The following ZNF420 variants were observed in gnomAD, a reference collection of about 807,000 sequenced individuals.
ZNF420 encodes ATM and p53-associated KZNF protein.
Under a neutral mutation model 44.7 loss-of-function variants are expected in ZNF420, and 31 were observed. That is an observed-to-expected ratio of 0.69 (90% CI 0.52 to 0.94). The LOEUF is 0.94. Among genes scored for constraint, ZNF420 ranks in the 40% least tolerant of loss-of-function variants. The probability of loss-of-function intolerance (pLI) is 0.00; values close to 1 mark genes in which losing one functional copy is unlikely to be tolerated. For synonymous variants in ZNF420, 245 were observed against 267.4 expected, an observed-to-expected ratio of 0.92 and a Z score of 0.82; for missense variants, 681 against 827.9, an observed-to-expected ratio of 0.82 and a Z score of 2.18.
chr19:37,017,612 A>G (rs948399005), intron 1 of ZNF420, among the ~76,000 whole-genome samples: 1 of 152,234 alleles, frequency 6.6e-6, no homozygotes, highest in African/African-American at 2.4e-5. Flanking sequence ...AATTTCAAAA[A>G]CCATTCATGA....
chr19:37,035,966 G>A (rs1410673092), intron 1 of ZNF420, among the ~76,000 whole-genome samples: 5 of 152,044 alleles, frequency 3.3e-5, no homozygotes, highest in African/African-American at 1.2e-4. Context: ...TTTTCTCTTT[G>A]CCATTTAATT....
At chr19:37,060,299 C>T (rs567209832) in intron 1 of ZNF420, among the ~76,000 whole-genome samples, 218 of 152,226 alleles carry the variant, frequency 1.4e-3, no homozygotes, top group Non-Finnish European at 2.1e-3. Context: ...AGCCACACCA[C>T]GATACAATCT....
At chr19:37,104,996 AGTTT>A (rs2146623956) in intron 4 of ZNF420, among the ~76,000 whole-genome samples, 1 of 152,138 alleles carries the variant, frequency 6.6e-6, no homozygotes, top group African/African-American at 2.4e-5. Context: ...GAAGCTCTTT[AGTTT>A]AATTAGATCC....
At chr19:37,070,321 C>T (rs1315987834) in intron 1 of ZNF420, among the ~76,000 whole-genome samples, 1 of 151,868 alleles carries the variant, frequency 6.6e-6, no homozygotes, top group Non-Finnish European at 1.5e-5. Flanking sequence ...AAACTATAAA[C>T]CTTTAAGAAG....
chr19:37,114,944 T>G (rs1970579048), intron 4 of ZNF420: 1 of 153,896 alleles, frequency 6.5e-6, no homozygotes, highest in South Asian at 2.0e-4. Flanking sequence ...ATTGTTCTAT[T>G]GTTTGAAATA....
rs912608974 is a variant in ZNF420 at position 37,051,555 on chromosome 19, C to T, written c.-124-28790C>T. 2.8e-4 allele frequency among the ~76,000 whole-genome samples: 42 copies of T among 152,088 alleles called. 1 individual carries two copies. Among genetic ancestry groups the T allele is most frequent in the Non-Finnish European group, 1.0e-4 (7 of 68,020 alleles). On this transcript the variant is annotated intron_variant, in intron 1 of 4. Coordinates refer to the ZNF420 transcript ENST00000587029. ...ATGGTAGTTTGTATTTCTGTGGGAT[C>T]GGTGGTGACATCCCCTTTATCATTT...
At chr19:37,050,377 C>G (rs1434453846) in intron 1 of ZNF420, among the ~76,000 whole-genome samples, 1 of 152,062 alleles carries the variant, frequency 6.6e-6, no homozygotes, top group Non-Finnish European at 1.5e-5. Context: ...TTGTTTGTAT[C>G]CTCTTTTATT....
intron 4 of ZNF420, among the ~76,000 whole-genome samples, chr19:37,117,303 G>A (rs961831062): frequency 1.5e-4 from 22 of 151,452 alleles, no homozygotes; most frequent in African/African-American, 5.1e-4. Context: ...CACGAAAATC[G>A]GCTGTTCTAC....
At chr19:37,032,009 C>CA (rs1263839460) in intron 1 of ZNF420, among the ~76,000 whole-genome samples, 7 of 151,990 alleles carry the variant, frequency 4.6e-5, no homozygotes, top group African/African-American at 1.7e-4. Flanking sequence ...TCAGGAGTTC[C>CA]AGACCAGCCG....
intron 4 of ZNF420, among the ~76,000 whole-genome samples, chr19:37,103,297 TTA>T (rs1255432660): frequency 6.6e-6 from 1 of 151,894 alleles, no homozygotes; most frequent in African/African-American, 2.4e-5. Context: ...TTTATAATTT[TTA>T]GTTTTATGCT....
intron 4 of ZNF420, among the ~76,000 whole-genome samples, chr19:37,124,288 T>C (rs1007372114): frequency 6.6e-6 from 1 of 152,254 alleles, no homozygotes; most frequent in Non-Finnish European, 1.5e-5. Context: ...GTTGCATGAA[T>C]CAATACTTTG....
chr19:37,059,972 A>G (rs1967843888), intron 1 of ZNF420, among the ~76,000 whole-genome samples: 1 of 151,826 alleles, frequency 6.6e-6, no homozygotes, highest in East Asian at 1.9e-4. Context: ...CCCTGCGCCA[A>G]AAAGGGATTT....
chr19:37,057,020 C>G (rs1412195051), intron 1 of ZNF420, among the ~76,000 whole-genome samples: 1 of 152,246 alleles, frequency 6.6e-6, no homozygotes. Context: ...AAGCGCCAGC[C>G]AATTCTCCCA....
chr19:37,083,717 C>T (rs1281879317), intron 2 of ZNF420, among the ~76,000 whole-genome samples: 2 of 152,114 alleles, frequency 1.3e-5, no homozygotes, highest in African/African-American at 4.8e-5. Context: ...CAGAGTATTC[C>T]AGGCTCATTT....
At position 37,129,122 on chromosome 19, in the gene ZNF420, A is replaced by C; in HGVS notation, c.*64A>C. On this transcript the variant is annotated 3_prime_UTR_variant, in exon 5 of 5. Transcript: ENST00000337995. ...TGGTTGTTAGCAGCAAAGAATTCTC[A>C]CAAATGTGAATATGGGCGCACATTT... is the stretch of plus-strand genomic sequence containing the variant. 1.9e-5 allele frequency: 30 copies of C among 1,542,102 alleles called. No homozygotes were observed. Among genetic ancestry groups the C allele is most frequent in the Non-Finnish European group, 2.5e-5 (28 of 1,142,762 alleles).
intron 1 of ZNF420, among the ~76,000 whole-genome samples, chr19:37,024,088 C>A (rs1471801030): frequency 6.6e-6 from 1 of 152,144 alleles, no homozygotes; most frequent in Admixed American, 6.5e-5. Context: ...TACTTGGAGG[C>A]TTCATCTGCA....
chr19:37,115,686 C>G (rs1009774481), intron 4 of ZNF420, among the ~76,000 whole-genome samples: 1 of 151,884 alleles, frequency 6.6e-6, no homozygotes, highest in Non-Finnish European at 1.5e-5. Context: ...GTGCCTTCCT[C>G]TTATCTCAAC....
At chr19:37,108,733 T>A (rs1254039983) in intron 4 of ZNF420, among the ~76,000 whole-genome samples, 1 of 151,996 alleles carries the variant, frequency 6.6e-6, no homozygotes, top group African/African-American at 2.4e-5. Flanking sequence ...AAGACTGTAA[T>A]TTTTTGTGCT....
intron 2 of ZNF420, among the ~76,000 whole-genome samples, chr19:37,080,848 A>T (rs1968401149): frequency 6.6e-6 from 1 of 151,892 alleles, no homozygotes; most frequent in South Asian, 2.1e-4. Context: ...AGGTTAGGAG[A>T]TCGAAACCAT....
Sources: allele counts gnomAD v4.1 joint callset (sites outside exome capture counted in the v4.1 genomes callset), GRCh38; gene constraint gnomAD v4.1.1; transcripts MANE v1.5; gene names NCBI Gene and HGNC (gene_info 2026-07-23, HGNC 2026-07-21).